ULK4: variants seen among roughly 807,000 people sequenced by gnomAD.
ULK4 encodes the protein unc-51 like kinase 4.
ULK4 carries 133 observed loss-of-function variants against 160.6 expected under a neutral mutation model. The ratio of observed to expected loss-of-function variants is 0.83; its 90% CI spans 0.72 to 0.96. The LOEUF (loss-of-function observed/expected upper bound fraction) is 0.96, where lower values mean the gene tolerates loss of function less well. Ranked by LOEUF, ULK4 falls within the 40% of genes least tolerant of loss-of-function variation. The pLI is 0.00. For synonymous variants in ULK4, 534 were observed against 539.8 expected, an observed-to-expected ratio of 0.99 and a Z score of 0.15; for missense variants, 1,580 against 1,499.5, an observed-to-expected ratio of 1.05 and a Z score of -0.89.
At chr3:41,937,879 G>C (rs7641500) in intron 3 of ULK4, 8,183 of 337,270 alleles carry the variant, frequency 0.024, 559 homozygotes, top group African/African-American at 0.16. Context: ...AAATTTTTAT[G>C]TATATAACGT....
chr3:41,334,039 A>T (rs534039844), intron 35 of ULK4, among the ~76,000 whole-genome samples: 46 of 152,312 alleles, frequency 3.0e-4, no homozygotes, highest in South Asian at 1.7e-3. Flanking sequence ...CAGGATAACT[A>T]AGAAACACAC....
chr3:41,403,589 T>C (rs2082229172), intron 34 of ULK4, among the ~76,000 whole-genome samples: 1 of 152,120 alleles, frequency 6.6e-6, no homozygotes, highest in African/African-American at 2.4e-5. Context: ...TCAAATTCAT[T>C]GATTTCTGGT....
At chr3:41,521,038 A>T (rs2125931596) in intron 32 of ULK4, among the ~76,000 whole-genome samples, 1 of 152,234 alleles carries the variant, frequency 6.6e-6, no homozygotes, top group South Asian at 2.1e-4. Flanking sequence ...CCACTATTTT[A>T]TTCTTCTGCC....
chr3:41,877,033 T>C (rs1697329652), intron 17 of ULK4, among the ~76,000 whole-genome samples: 1 of 152,170 alleles, frequency 6.6e-6, no homozygotes, highest in South Asian at 2.1e-4. Flanking sequence ...TAAAAAAGAA[T>C]TATAATTTTC....
At chr3:41,671,032 A>G (rs183710624) in intron 29 of ULK4, among the ~76,000 whole-genome samples, 9 of 152,266 alleles carry the variant, frequency 5.9e-5, no homozygotes, top group Admixed American at 5.9e-4. Context: ...AAAAGGTAGA[A>G]TATGATGATG....
In ULK4 at chr3:41,938,210, A is replaced by C; in HGVS notation, c.139-13T>G. ...GGGTGAGACGGACCTATAAAAACAC[A>C]GAGCAATCACTCTAAAAAGAAATTC... On this transcript the variant is annotated splice_polypyrimidine_tract_variant and intron_variant, in intron 2 of 36. Transcript: ENST00000301831. The C allele has an allele frequency of 1.2e-6, 2 of 1,601,516 alleles. No homozygotes were observed. Among genetic ancestry groups the C allele is most frequent in the Admixed American group, 1.7e-5 (1 of 58,346 alleles).
intron 35 of ULK4, among the ~76,000 whole-genome samples, chr3:41,330,792 T>G (rs2080425838): frequency 6.6e-6 from 1 of 152,206 alleles, no homozygotes; most frequent in Non-Finnish European, 1.5e-5. Context: ...TCTGAGGTTC[T>G]GGGTTTTTAC....
At chr3:41,817,082 G>C (rs2040992343) in intron 19 of ULK4, among the ~76,000 whole-genome samples, 1 of 152,054 alleles carries the variant, frequency 6.6e-6, no homozygotes, top group Admixed American at 6.6e-5. Flanking sequence ...GTGTGTGTGT[G>C]TGTGTGTGTA....
intron 35 of ULK4, among the ~76,000 whole-genome samples, chr3:41,286,831 G>A (rs936852415): frequency 2.6e-5 from 4 of 152,188 alleles, no homozygotes; most frequent in African/African-American, 9.7e-5. Flanking sequence ...AAGTCGCTCT[G>A]TAAAACCTTC....
intron 35 of ULK4, among the ~76,000 whole-genome samples, chr3:41,275,216 T>C (rs969315773): frequency 1.3e-5 from 2 of 152,222 alleles, no homozygotes; most frequent in Non-Finnish European, 2.9e-5. Context: ...TACTTGGGCT[T>C]TGGGGATCCT....
chr3:41,579,029 G>A (rs1011013099), intron 31 of ULK4, among the ~76,000 whole-genome samples: 2 of 152,146 alleles, frequency 1.3e-5, no homozygotes, highest in African/African-American at 2.4e-5. Context: ...CGCTGAGTGT[G>A]TAAGACTCAT....
At chr3:41,370,522 G>C (rs1245038906) in intron 35 of ULK4, among the ~76,000 whole-genome samples, 2 of 152,172 alleles carry the variant, frequency 1.3e-5, no homozygotes, top group African/African-American at 4.8e-5. Flanking sequence ...GCCAAAGCAG[G>C]GTGGGGCATT....
chr3:41,369,952 G>A (rs1651389713), intron 35 of ULK4, among the ~76,000 whole-genome samples: 1 of 152,004 alleles, frequency 6.6e-6, no homozygotes, highest in African/African-American at 2.4e-5. Context: ...GCAACCTTTA[G>A]AAAGGGATTA....
intron 31 of ULK4, among the ~76,000 whole-genome samples, chr3:41,597,171 G>C (rs2031750363): frequency 6.6e-6 from 1 of 152,078 alleles, no homozygotes; most frequent in African/African-American, 2.4e-5. Context: ...CCCACTCTGT[G>C]GTGGAGCATA....
chr3:41,907,025 T>G (rs1301529648), intron 12 of ULK4, among the ~76,000 whole-genome samples: 1 of 152,038 alleles, frequency 6.6e-6, no homozygotes, highest in Non-Finnish European at 1.5e-5. Context: ...TAACATATAC[T>G]AAGTGGAAAA....
At chr3:41,695,681 C>T (rs1412215780) in intron 27 of ULK4, among the ~76,000 whole-genome samples, 3 of 152,050 alleles carry the variant, frequency 2.0e-5, no homozygotes, top group Non-Finnish European at 4.4e-5. Flanking sequence ...CCTGTGTGGG[C>T]GGCAAGCCAT....
chr3:41,270,137 C>T (rs1024773182), intron 35 of ULK4, among the ~76,000 whole-genome samples: 1 of 152,018 alleles, frequency 6.6e-6, no homozygotes, highest in Non-Finnish European at 1.5e-5. Context: ...AGAAAAAAAG[C>T]GATCTGTCAT....
At chr3:41,590,195 G>C (rs544308086) in intron 31 of ULK4, among the ~76,000 whole-genome samples, 2 of 151,562 alleles carry the variant, frequency 1.3e-5, no homozygotes, top group East Asian at 2.0e-4. Context: ...GTAGAGACAG[G>C]GTTTTACCCT....
chr3:41,368,242 G>T (rs1410856575), intron 35 of ULK4, among the ~76,000 whole-genome samples: 1 of 151,800 alleles, frequency 6.6e-6, no homozygotes, highest in Admixed American at 6.6e-5. Flanking sequence ...GTAGAGATGG[G>T]GTTTCACTGT....
Sources: gnomAD v4.1 joint callset for allele counts (sites outside exome capture counted in the v4.1 genomes callset) on GRCh38, gnomAD v4.1.1 for gene constraint, MANE v1.5 for transcripts, NCBI Gene and HGNC (gene_info 2026-07-23, HGNC 2026-07-21) for gene names.